TLN2: variants seen among roughly 807,000 people sequenced by gnomAD.
TLN2 encodes talin 2.
In TLN2, 118 loss-of-function variants were observed where a neutral mutation model predicts 294.7. That is an observed-to-expected ratio of 0.40 (90% CI 0.34 to 0.47). TLN2 has a LOEUF of 0.47. TLN2 is among the 20% of genes least tolerant of loss of function. TLN2 has a pLI of 0.84. For missense variants in TLN2, 3,083 were observed against 3,282.2 expected, an observed-to-expected ratio of 0.94 and a Z score of 1.48; for synonymous variants, 1,431 against 1,304.5, an observed-to-expected ratio of 1.10 and a Z score of -2.09.
At position 62,736,967 on chromosome 15, in the gene TLN2, G is replaced by C; in HGVS notation, c.3448G>C (p.Ala1150Pro). 6.2e-7 allele frequency: 1 copy of C among 1,614,182 alleles called. No individual in the cohort carries two copies. Among genetic ancestry groups the C allele is most frequent in the Non-Finnish European group, 8.5e-7 (1 of 1,180,032 alleles). ...VAASTTDPAA[A>P]HAMLDSARDV... ...TGCATCGACAACCGACCCCGCGGCC[G>C]CCCATGCCATGTTAGATTCTGCTCG... The change falls in exon 29 of 59, where the codon GCC (alanine) becomes CCC (proline). Residue 1150 changes from alanine (A) to proline (P), a missense_variant. Coordinates refer to ENST00000636159, the MANE Select transcript of TLN2 (RefSeq NM_015059.3).
chr15:62,748,544 A>G, intron 33 of TLN2, 100 bp downstream of exon 33: 1 of 990,690 alleles, frequency 1.0e-6, no homozygotes, highest in Admixed American at 2.0e-5. Context: ...TTCTTTCCCT[A>G]TAGGGCTAGT....
chr15:62,715,200 T>C (rs908409811), intron 22 of TLN2, among the ~76,000 whole-genome samples: 1 of 152,276 alleles, frequency 6.6e-6, no homozygotes, highest in Non-Finnish European at 1.5e-5. Flanking sequence ...TGCATTGCTA[T>C]AACTTTTATA....
At chr15:62,593,868 A>G (rs2046274886) in intron 2 of TLN2, among the ~76,000 whole-genome samples, 1 of 152,230 alleles carries the variant, frequency 6.6e-6, no homozygotes, top group African/African-American at 2.4e-5. Flanking sequence ...ACACCACTAT[A>G]AAGCCTGATA....
chr15:62,674,942 C>G (rs1320739936), intron 10 of TLN2, among the ~76,000 whole-genome samples: 1 of 152,196 alleles, frequency 6.6e-6, no homozygotes, highest in Non-Finnish European at 1.5e-5. Context: ...CTGTTCCCAC[C>G]ACACTGCATG....
At chr15:62,540,983 A>T (rs1009685389) in intron 1 of TLN2, among the ~76,000 whole-genome samples, 11 of 152,194 alleles carry the variant, frequency 7.2e-5, no homozygotes, top group African/African-American at 2.7e-4. Context: ...TGACAGATCA[A>T]GAGGATGACT....
chr15:62,400,210 CATT>C (rs1289253529), intron 1 of TLN2, among the ~76,000 whole-genome samples: 1 of 152,166 alleles, frequency 6.6e-6, no homozygotes, highest in Non-Finnish European at 1.5e-5. Flanking sequence ...CCCCTTCTGC[CATT>C]ATTGTAAGTT....
At position 62,838,978 on chromosome 15, in the gene TLN2, T is replaced by C; in HGVS notation, c.7497T>C (p.Ala2499=). Residue 2499 remains alanine, a synonymous_variant, in exon 58 of 59, where the codon GCT becomes GCC. Transcript: ENST00000636159. Reference sequence around the variant, plus strand: ...AAACCAAGTTTGTGGGGGGCATTGCTCAGGTTTGTAATTAAATCAAGAATA... The same window carrying C: ...AAACCAAGTTTGTGGGGGGCATTGCCCAGGTTTGTAATTAAATCAAGAATA... ...VVKTKFVGGI[A]QIIAAQEEML... The C allele has an allele frequency of 1.9e-6, 3 of 1,614,078 alleles. No individual in the cohort carries two copies. The highest frequency in any genetic ancestry group is 1.1e-5 in the South Asian group (1 of 91,046).
At chr15:62,762,871 G>A (rs2062763578) in intron 39 of TLN2, among the ~76,000 whole-genome samples, 1 of 152,194 alleles carries the variant, frequency 6.6e-6, no homozygotes. Flanking sequence ...ATTTGTGGTT[G>A]CAGTTAGTTT....
chr15:62,785,919 C>T (rs1413286323), intron 45 of TLN2, among the ~76,000 whole-genome samples: 1 of 152,152 alleles, frequency 6.6e-6, no homozygotes, highest in Non-Finnish European at 1.5e-5. Flanking sequence ...GAATGTGTTG[C>T]TAAAAGCACA....
At chr15:62,649,623 A>G (rs2052356595) in intron 4 of TLN2, among the ~76,000 whole-genome samples, 1 of 152,084 alleles carries the variant, frequency 6.6e-6, no homozygotes, top group Non-Finnish European at 1.5e-5. Flanking sequence ...CTCAGTTGGG[A>G]TGATGGAGGG....
intron 1 of TLN2, among the ~76,000 whole-genome samples, chr15:62,490,443 C>T (rs1478274575): frequency 6.6e-6 from 1 of 152,168 alleles, no homozygotes; most frequent in Non-Finnish European, 1.5e-5. Context: ...ATCCCAAAGA[C>T]AGTTGGTTGG....
At chr15:62,432,807 C>G (rs1251968054) in intron 1 of TLN2, among the ~76,000 whole-genome samples, 1 of 152,020 alleles carries the variant, frequency 6.6e-6, no homozygotes, top group Non-Finnish European at 1.5e-5. Flanking sequence ...CCCTAGAATG[C>G]ATATTTATAG....
Position 62,708,593 on chromosome 15 carries a change from G to T in TLN2, c.2264G>T (p.Arg755Leu), listed in dbSNP as rs142680037. The change falls in exon 21 of 59, where the codon CGT becomes CTT. Residue 755 changes from arginine (R) to leucine (L), a missense_variant. Transcript: ENST00000636159. ...LVDRSVENCV[R>L]ACQAATTDSE... is the part of the protein sequence containing the mutation. ...GACCGCTCGGTGGAGAACTGTGTCC[G>T]TGCCTGCCAGGCGGCCACTACCGAT... 1 of 1,614,200 alleles carries T rather than the reference G, an allele frequency of 6.2e-7. No homozygotes were observed. The highest frequency in any genetic ancestry group is 8.5e-7 in the Non-Finnish European group (1 of 1,180,034).
In TLN2 at chr15:62,623,096, A is replaced by G. The variant is rs186379028; in HGVS notation, c.-37+4621A>G. Among the ~76,000 whole-genome samples the G allele has an allele frequency of 4.6e-5, 7 of 152,362 alleles. No individual in the cohort carries two copies. In the East Asian group the frequency reaches 1.3e-3, roughly 29 times the overall value. On this transcript the variant is annotated intron_variant, in intron 3 of 58. Coordinates refer to ENST00000636159, the MANE Select transcript of TLN2 (RefSeq NM_015059.3). ...TGGATTTACTTTGCTTAATATCCAT[A>G]TGGAGTAACTGAATGGGCAGTGGAG...
At position 62,792,636 on chromosome 15, in the gene TLN2, T is replaced by G. The variant is rs767898386; in HGVS notation, c.5737-5T>G. ...TCCTTCCCCATCCTGGGCTTGCCTC[T>G]GCAGATCGGATTCCAGATTCGCACT... On this transcript the variant is annotated splice_region_variant and splice_polypyrimidine_tract_variant and intron_variant, in intron 45 of 58. Transcript: ENST00000636159. The G allele has an allele frequency of 6.2e-7, 1 of 1,612,634 alleles. No individual in the cohort carries two copies. Among genetic ancestry groups the G allele is most frequent in the African/African-American group, 1.3e-5 (1 of 74,918 alleles).
intron 43 of TLN2, among the ~76,000 whole-genome samples, chr15:62,778,719 T>TA (rs1327777726): frequency 1.3e-5 from 2 of 152,222 alleles, no homozygotes; most frequent in Non-Finnish European, 2.9e-5. Context: ...AGTCAGGTGT[T>TA]ACTTGATAGC....
In TLN2 at chr15:62,686,812, G is replaced by T; in HGVS notation, c.1113+16G>T. 1 of 1,612,228 alleles carries T rather than the reference G, an allele frequency of 6.2e-7. No individual in the cohort carries two copies. Reference sequence around the variant, plus strand: ...CTTCACACTGGTAGGGACTGGCAGAGGGCAAGGAGAGCACTAGCGTGGCCT... The same window carrying T: ...CTTCACACTGGTAGGGACTGGCAGATGGCAAGGAGAGCACTAGCGTGGCCT... On this transcript the variant is annotated intron_variant, in intron 12 of 58. Transcript: ENST00000636159.
rs1051241020 is a variant in TLN2 at position 62,725,029 on chromosome 15, G to A, written c.3180G>A (p.Gln1060=). The change falls in exon 27 of 59, where the codon CAG becomes CAA. Residue 1060 remains glutamine (Q), a synonymous_variant. Coordinates refer to ENST00000636159, the MANE Select transcript of TLN2 (RefSeq NM_015059.3). ...TCGATTCAGCTCTGAATACGGTGCA[G>A]ACGCTTAAGAATGAACTGCAGGATG... ...MEIDSALNTV[Q]TLKNELQDAK... The A allele has an allele frequency of 8.1e-6, 13 of 1,613,624 alleles. No individual in the cohort carries two copies. Among genetic ancestry groups the A allele is most frequent in the Admixed American group, 5.0e-5 (3 of 59,988 alleles).
intron 1 of TLN2, among the ~76,000 whole-genome samples, chr15:62,523,459 G>A (rs947510030): frequency 2.6e-5 from 4 of 152,224 alleles, no homozygotes; most frequent in Admixed American, 2.0e-4. Context: ...CCTTAGACAA[G>A]TCCAGGACTA....
Sources: gnomAD v4.1 joint callset for allele counts (sites outside exome capture counted in the v4.1 genomes callset) on GRCh38, gnomAD v4.1.1 for gene constraint, MANE v1.5 for transcripts, NCBI Gene and HGNC (gene_info 2026-07-23, HGNC 2026-07-21) for gene names.